Variants in GALNT13 observed in about 807,000 individuals in gnomAD.
GALNT13 encodes the protein polypeptide N-acetylgalactosaminyltransferase 13.
GALNT13 carries 28 observed loss-of-function variants against 64.2 expected under a neutral mutation model. That is an observed-to-expected ratio of 0.44 (90% CI 0.32 to 0.60). GALNT13 has a LOEUF of 0.60. GALNT13 is among the 20% of genes least tolerant of loss of function. The pLI is 0.05. For missense variants in GALNT13, 577 were observed against 669.8 expected (o/e 0.86, Z 1.53); for synonymous variants, 214 against 224.6 (o/e 0.95, Z 0.42).
intron 3 of GALNT13, among the ~76,000 whole-genome samples, chr2:153,957,205 T>G (rs947357939): frequency 6.6e-6 from 1 of 152,218 alleles, no homozygotes; most frequent in African/African-American, 2.4e-5. Context: ...TTCAAGTTAT[T>G]TACAAAATTG....
the GALNT13 span, among the ~76,000 whole-genome samples, chr2:153,756,211 A>G: frequency 3.9e-5 from 6 of 152,144 alleles, no homozygotes; most frequent in Non-Finnish European, 8.8e-5. Context: ...ACATTTATGA[A>G]TACTATACTA....
chr2:153,670,744 C>T, the GALNT13 span, among the ~76,000 whole-genome samples: 3 of 152,300 alleles, frequency 2.0e-5, no homozygotes, highest in East Asian at 1.9e-4. Context: ...TCTGTAATAA[C>T]AAACTTCTCT....
the GALNT13 span, among the ~76,000 whole-genome samples, chr2:153,146,261 G>A: frequency 2.6e-5 from 4 of 151,228 alleles, no homozygotes; most frequent in African/African-American, 9.7e-5. Flanking sequence ...GCCTGTAGGT[G>A]ATTTCCCAGA....
the GALNT13 span, among the ~76,000 whole-genome samples, chr2:153,255,814 T>G: frequency 6.6e-6 from 1 of 152,230 alleles, no homozygotes; most frequent in Admixed American, 6.5e-5. Context: ...TTCTGGCTGG[T>G]AGAGTTTCTG....
chr2:154,020,624 T>C (rs942261881), intron 3 of GALNT13, among the ~76,000 whole-genome samples: 1 of 151,918 alleles, frequency 6.6e-6, no homozygotes, highest in African/African-American at 2.4e-5. Context: ...GAGTAGGTTG[T>C]GAAAATTTTC....
the GALNT13 span, among the ~76,000 whole-genome samples, chr2:153,848,122 C>T: frequency 6.6e-6 from 1 of 152,168 alleles, no homozygotes; most frequent in African/African-American, 2.4e-5. Context: ...AACTACAAGC[C>T]AGAAGCTGTA....
At chr2:154,294,558 A>C (rs1274972006) in intron 8 of GALNT13, among the ~76,000 whole-genome samples, 1 of 152,220 alleles carries the variant, frequency 6.6e-6, no homozygotes, top group East Asian at 1.9e-4. Flanking sequence ...AAAAAGACAG[A>C]CAGATTCACA....
intron 10 of GALNT13, among the ~76,000 whole-genome samples, chr2:154,406,707 T>C (rs1380155082): frequency 2.0e-5 from 3 of 152,200 alleles, no homozygotes; most frequent in African/African-American, 7.2e-5. Context: ...ACAGGACTTC[T>C]TGATTTTCTG....
chr2:154,399,330 T>C (rs546989613), intron 10 of GALNT13, among the ~76,000 whole-genome samples: 1 of 152,320 alleles, frequency 6.6e-6, no homozygotes, highest in Middle Eastern at 3.4e-3. Context: ...TTAGATTGGG[T>C]AATTTATAAA....
At chr2:153,228,021 A>G in the GALNT13 span, among the ~76,000 whole-genome samples, 8 of 152,352 alleles carry the variant, frequency 5.3e-5, no homozygotes, top group South Asian at 1.7e-3. Context: ...GGATCTGGAT[A>G]TGGATTGGTA....
At chr2:153,108,478 T>C in the GALNT13 span, among the ~76,000 whole-genome samples, 1 of 152,088 alleles carries the variant, frequency 6.6e-6, no homozygotes, top group African/African-American at 2.4e-5. Context: ...AAAACAAATA[T>C]TCAGGAACTT....
the GALNT13 span, among the ~76,000 whole-genome samples, chr2:153,635,221 T>G: frequency 3.3e-5 from 5 of 151,804 alleles, no homozygotes; most frequent in Non-Finnish European, 7.4e-5. Context: ...AGTTGAAACA[T>G]TTTTTTCTGA....
At chr2:153,369,639 C>T in the GALNT13 span, among the ~76,000 whole-genome samples, 1 of 152,066 alleles carries the variant, frequency 6.6e-6, no homozygotes, top group Admixed American at 6.6e-5. Context: ...TAAAATATTC[C>T]AGAAATCATG....
chr2:153,739,507 TTTTA>T, the GALNT13 span, among the ~76,000 whole-genome samples: 428 of 148,486 alleles, frequency 2.9e-3, 1 homozygote, highest in African/African-American at 8.9e-3. Context: ...TAGATTTTTG[TTTTA>T]TTTATTTATT....
At chr2:153,118,108 A>AAC in the GALNT13 span, among the ~76,000 whole-genome samples, 656 of 12,816 alleles carry the variant, frequency 0.051, 2 homozygotes, top group African/African-American at 0.075. Flanking sequence ...ACTATGTACC[A>AAC]ACACACACAC....
the GALNT13 span, among the ~76,000 whole-genome samples, chr2:153,703,339 A>G: frequency 1.3e-5 from 2 of 152,122 alleles, no homozygotes; most frequent in African/African-American, 4.8e-5. Flanking sequence ...AATATTTCAT[A>G]AGGGTATAAG....
the GALNT13 span, among the ~76,000 whole-genome samples, chr2:153,483,350 A>C: frequency 6.6e-6 from 1 of 152,082 alleles, no homozygotes; most frequent in Non-Finnish European, 1.5e-5. Context: ...ATGAAGTGAT[A>C]AACAAACTGT....
chr2:154,305,670 A>ACTTT (rs1272037916), intron 9 of GALNT13, among the ~76,000 whole-genome samples: 1 of 152,138 alleles, frequency 6.6e-6, no homozygotes, highest in African/African-American at 2.4e-5. Context: ...TAACTTACTT[A>ACTTT]CTTTCAATAT....
rs1574565204 is a variant in GALNT13, at chr2:154,132,614, A to G, written c.143-7723A>G. Among the ~76,000 whole-genome samples, 3 of 152,236 alleles carry G rather than the reference A, an allele frequency of 2.0e-5. No individual in the cohort carries two copies. The Middle Eastern group carries it at 0.01, about 518-fold the overall frequency. On this transcript the variant is annotated intron_variant, in intron 3 of 12. Transcript: ENST00000392825. Reference sequence around the variant, plus strand: ...TAATCATGTATGCAGGGCTGGGCACAGTAGCTCATGCCTGTAATTCCAGCA... The same window carrying G: ...TAATCATGTATGCAGGGCTGGGCACGGTAGCTCATGCCTGTAATTCCAGCA...
Sources: allele counts gnomAD v4.1 joint callset (sites outside exome capture counted in the v4.1 genomes callset), GRCh38; gene constraint gnomAD v4.1.1; transcripts MANE v1.5; gene names NCBI Gene and HGNC (gene_info 2026-07-23, HGNC 2026-07-21).